The following QRICH1 variants were observed in gnomAD, a reference collection of about 807,000 sequenced individuals.
The protein encoded by QRICH1 is glutamine rich 1, also known as transcriptional regulator QRICH1.
Under a neutral mutation model 87.1 loss-of-function variants are expected in QRICH1, and 16 were observed. The ratio of observed to expected loss-of-function variants is 0.18; its 90% CI spans 0.12 to 0.28. QRICH1 has a LOEUF of 0.28. Ranked by LOEUF, QRICH1 falls within the 10% of genes least tolerant of loss-of-function variation. The probability of loss-of-function intolerance (pLI) is 1.00; values close to 1 mark genes in which losing one functional copy is unlikely to be tolerated. For missense variants in QRICH1, 647 were observed against 951.7 expected (o/e 0.68, Z 4.21); for synonymous variants, 367 against 368.4 (o/e 1.00, Z 0.05).
chr3:49,078,386 CTTTTTTTTTTTTTT>C (rs60933196), intron 1 of QRICH1, among the ~76,000 whole-genome samples: 4 of 69,826 alleles, frequency 5.7e-5, no homozygotes, highest in East Asian at 5.0e-4. Flanking sequence ...ATTATGGTTC[CTTTTTTTTTTTTTT>C]TTTTTTTTTT....
At chr3:49,088,794 T>C (rs924328452) in intron 1 of QRICH1, among the ~76,000 whole-genome samples, 33 of 151,658 alleles carry the variant, frequency 2.2e-4, no homozygotes, top group African/African-American at 7.8e-4. Flanking sequence ...TCCAGCTATT[T>C]TTATTTTTCT....
At chr3:49,044,018 T>A (rs533983111) in intron 6 of QRICH1, among the ~76,000 whole-genome samples, 20 of 152,312 alleles carry the variant, frequency 1.3e-4, no homozygotes, top group African/African-American at 4.6e-4. Flanking sequence ...TATGCTTTTG[T>A]TCCAATAGAA....
chr3:49,068,154 G>A lies in QRICH1; in HGVS notation c.309+8555C>T, dbSNP rs1248859345. ...GAGGATCACTTGAGGCCAGGAGTTT[G>A]AGGCCAGCCTAGGCAACATAGCAAC... On this transcript the variant is annotated intron_variant, in intron 2 of 9. Transcript: ENST00000395443. Among the ~76,000 whole-genome samples, 3 of 151,812 alleles carry A rather than the reference G, an allele frequency of 2.0e-5. No homozygotes were observed. In the South Asian group the frequency reaches 6.3e-4, roughly 32 times the overall value.
chr3:49,057,838 G>C lies in QRICH1; in HGVS notation c.362C>G (p.Pro121Arg). 6.2e-7 allele frequency: 1 copy of C among 1,614,054 alleles called. No individual in the cohort carries two copies. The highest frequency in any genetic ancestry group is 8.5e-7 in the Non-Finnish European group (1 of 1,180,010). The change falls in exon 3 of 10, where the codon CCA (proline) becomes CGA (arginine). Residue 121 changes from proline to arginine, a missense_variant. This residue lies in a region of QRICH1 where 156 missense variants were observed against 164.5 expected (regional missense o/e 0.95). Coordinates refer to ENST00000395443, the MANE Select transcript of QRICH1 (RefSeq NM_198880.3). The surrounding 1 kb of genome is among the most constrained non-coding windows in gnomAD (Gnocchi z 5.4). The part of the protein sequence containing the change: ...SPQQVSAQLS[P>R]QLTVHQPTEQ... Reference sequence around the variant, plus strand: ...AGTAGGCTGGTGAACGGTGAGTTGTGGGGAGAGCTGAGCCGAGACCTGTTG... The same window carrying C: ...AGTAGGCTGGTGAACGGTGAGTTGTCGGGAGAGCTGAGCCGAGACCTGTTG...
At position 49,060,980 on chromosome 3, in the gene QRICH1, T is replaced by C. The variant is rs188659543; in HGVS notation, c.310-3090A>G. ...ACCCCACCTCTACTTCTACTAAAAA[T>C]ATAAAAAATTATCCAGGCATGGTGG... On this transcript the variant is annotated intron_variant, in intron 2 of 9. Transcript: ENST00000395443. Among the ~76,000 whole-genome samples the C allele has an allele frequency of 1.9e-3, 284 of 150,978 alleles. 3 individuals are homozygous for C. Among genetic ancestry groups the C allele is most frequent in the African/African-American group, 6.4e-3 (261 of 41,100 alleles).
chr3:49,045,324 T>C (rs1355364828), intron 5 of QRICH1, among the ~76,000 whole-genome samples: 1 of 25,394 alleles, frequency 3.9e-5, no homozygotes, highest in Non-Finnish European at 7.1e-5. Flanking sequence ...CTTTGTGAAT[T>C]ACAAAAAAAA....
intron 2 of QRICH1, among the ~76,000 whole-genome samples, chr3:49,070,813 T>C (rs552352861): frequency 2.0e-5 from 3 of 152,310 alleles, no homozygotes; most frequent in Admixed American, 1.3e-4. Flanking sequence ...TCTATCACAC[T>C]GAATCTATCT....
At chr3:49,039,332 G>C (rs530015473) in intron 6 of QRICH1, among the ~76,000 whole-genome samples, 230 of 152,220 alleles carry the variant, frequency 1.5e-3, no homozygotes, top group Non-Finnish European at 2.6e-3. Context: ...GCTCCAGCCT[G>C]GGCGACAGAG....
intron 2 of QRICH1, among the ~76,000 whole-genome samples, chr3:49,068,379 C>T (rs1444983839): frequency 1.3e-5 from 2 of 151,222 alleles, no homozygotes; most frequent in Non-Finnish European, 2.9e-5. Context: ...ATCCCTTAAG[C>T]ATGGGAGGTT....
intron 1 of QRICH1, among the ~76,000 whole-genome samples, chr3:49,082,788 G>A (rs1452642343): frequency 1.3e-5 from 2 of 151,548 alleles, no homozygotes; most frequent in East Asian, 1.9e-4. Flanking sequence ...CCAGCTACTC[G>A]GGAGGCTGAG....
rs2093228853 is a variant in QRICH1, at chr3:49,030,474, G to T, written c.2309C>A (p.Ala770Asp). The T allele has an allele frequency of 3.7e-6, 6 of 1,613,406 alleles. No homozygotes were observed. The highest frequency in any genetic ancestry group is 3.4e-6 in the Non-Finnish European group (4 of 1,180,016). ...IREIQEAIAV[A>D]NASTMH ...ATCTCAGTGCATAGTGCTTGCATTG[G>T]CCACTGCGATGGCCTCCTGAATTTC... Residue 770 changes from alanine (A) to aspartate (D), a missense_variant, in exon 10 of 10, where the codon GCC (alanine) becomes GAC (aspartate). This residue lies in a region of QRICH1 where 56 missense variants were observed against 79.4 expected (regional missense o/e 0.71). Coordinates refer to ENST00000395443, the MANE Select transcript of QRICH1 (RefSeq NM_198880.3).
chr3:49,063,387 T>C (rs2093446642), intron 2 of QRICH1, among the ~76,000 whole-genome samples: 1 of 152,208 alleles, frequency 6.6e-6, no homozygotes, highest in South Asian at 2.1e-4. Context: ...AGTCCTCCAG[T>C]GTAATTACAT....
intron 1 of QRICH1, among the ~76,000 whole-genome samples, chr3:49,087,885 A>G (rs1382807411): frequency 6.7e-6 from 1 of 149,230 alleles, no homozygotes; most frequent in African/African-American, 2.4e-5. Flanking sequence ...ATATGTTTAT[A>G]AGACAGACAT....
chr3:49,052,662 A>ATTTT (rs566788214), intron 3 of QRICH1, among the ~76,000 whole-genome samples: 1 of 151,846 alleles, frequency 6.6e-6, no homozygotes, highest in Non-Finnish European at 1.5e-5. Flanking sequence ...TGCCCAGCTA[A>ATTTT]TTTTTTTATT....
intron 3 of QRICH1, among the ~76,000 whole-genome samples, chr3:49,051,376 C>G (rs1331248790): frequency 6.6e-6 from 1 of 152,142 alleles, no homozygotes; most frequent in Non-Finnish European, 1.5e-5. Flanking sequence ...CCGGACCTCC[C>G]TCAGCTATCT....
intron 5 of QRICH1, 32 bp from the exon 6 acceptor site, chr3:49,044,536 G>A: frequency 7.0e-7 from 1 of 1,428,858 alleles, no homozygotes; most frequent in Non-Finnish European, 9.8e-7. Flanking sequence ...GAAGTTATTG[G>A]TAGTCTCCTG....
At chr3:49,073,656 A>T (rs56301906) in intron 2 of QRICH1, among the ~76,000 whole-genome samples, 4 of 149,782 alleles carry the variant, frequency 2.7e-5, no homozygotes, top group East Asian at 2.0e-4. Flanking sequence ...TTTTATTTTT[A>T]TTTTTTTTGA....
intron 2 of QRICH1, among the ~76,000 whole-genome samples, chr3:49,060,272 C>T (rs1012594269): frequency 1.3e-5 from 2 of 152,006 alleles, no homozygotes; most frequent in Non-Finnish European, 2.9e-5. Context: ...CAGCTCACTG[C>T]AAGCTCCGCC....
chr3:49,038,102 C>A (rs544268828), intron 6 of QRICH1, among the ~76,000 whole-genome samples: 1 of 151,436 alleles, frequency 6.6e-6, no homozygotes, highest in Non-Finnish European at 1.5e-5. Flanking sequence ...CGGTCTGTTG[C>A]CCAGGCTAGA....
Sources: gnomAD v4.1 joint callset for allele counts (sites outside exome capture counted in the v4.1 genomes callset) on GRCh38, gnomAD v4.1.1 for gene constraint, gnomAD v4.1.1 regional missense constraint, Gnocchi (gnomAD v3.1) non-coding constraint, MANE v1.5 for transcripts, NCBI Gene and HGNC (gene_info 2026-07-23, HGNC 2026-07-21) for gene names.